The following CCSER1 variants were observed in gnomAD, a reference collection of about 807,000 sequenced individuals.
CCSER1 encodes serine-rich coiled-coil domain-containing protein 1.
In CCSER1, 41 loss-of-function variants were observed where a neutral mutation model predicts 82.0. The observed-to-expected ratio is 0.50, with a 90% CI of 0.39 to 0.65. CCSER1 has a LOEUF of 0.65. Ranked by LOEUF, CCSER1 falls within the 30% of genes least tolerant of loss-of-function variation. CCSER1 has a pLI of 0.00. For missense variants in CCSER1, 1,119 were observed against 1,064.2 expected, an observed-to-expected ratio of 1.05 and a Z score of -0.72; for synonymous variants, 414 against 383.9, an observed-to-expected ratio of 1.08 and a Z score of -0.92.
chr4:90,656,271 T>C (rs1729683586), intron 6 of CCSER1, among the ~76,000 whole-genome samples: 1 of 151,922 alleles, frequency 6.6e-6, no homozygotes, highest in Non-Finnish European at 1.5e-5. Flanking sequence ...GTTAAAACCT[T>C]CGAATATGAC....
chr4:91,389,937 A>G (rs940796156), intron 10 of CCSER1, among the ~76,000 whole-genome samples: 1 of 152,082 alleles, frequency 6.6e-6, no homozygotes, highest in Admixed American at 6.6e-5. Context: ...GTGCATTGTT[A>G]TAATCACTAG....
intron 6 of CCSER1, among the ~76,000 whole-genome samples, chr4:90,630,037 A>G (rs186364593): frequency 6.6e-6 from 1 of 152,290 alleles, no homozygotes; most frequent in East Asian, 1.9e-4. Context: ...GGGAGTATTT[A>G]TGCCTCAGAA....
intron 3 of CCSER1, among the ~76,000 whole-genome samples, chr4:90,344,999 A>G (rs2153506774): frequency 6.6e-6 from 1 of 152,214 alleles, no homozygotes. Context: ...CTTGATTCCC[A>G]TGTTTGACAG....
At chr4:90,626,180 TA>T (rs1723231136) in intron 5 of CCSER1, among the ~76,000 whole-genome samples, 1 of 152,234 alleles carries the variant, frequency 6.6e-6, no homozygotes, top group African/African-American at 2.4e-5. Flanking sequence ...CGTCGATGAT[TA>T]CAACAAATTG....
At chr4:90,728,502 G>C (rs936040012) in intron 7 of CCSER1, among the ~76,000 whole-genome samples, 3 of 152,126 alleles carry the variant, frequency 2.0e-5, no homozygotes, top group Non-Finnish European at 2.9e-5. Context: ...TTAAGCAGGG[G>C]ATAGAAGGGA....
intron 9 of CCSER1, among the ~76,000 whole-genome samples, chr4:91,040,584 C>T (rs542216320): frequency 1.3e-5 from 2 of 152,148 alleles, no homozygotes; most frequent in Admixed American, 6.5e-5. Flanking sequence ...ATGTTTGAGA[C>T]ATTTGCACAA....
Position 90,308,933 on chromosome 4 carries a change from CAA to C in CCSER1, c.650_651del (p.Gln217ArgfsTer33). 1.9e-6 allele frequency: 3 copies of C among 1,613,784 alleles called. No homozygotes were observed. The highest frequency in any genetic ancestry group is 1.7e-6 in the Non-Finnish European group (2 of 1,179,812). On this transcript the variant is annotated frameshift_variant, in exon 2 of 11. Transcript: ENST00000509176. LOFTEE classifies it high-confidence loss of function. ...SEFSLEVTQY[Q>X]EREPVLVRAS... ...ATTCTCATTGGAAGTTACACAGTAC[CAA>C]GAGAGAGAACCTGTATTAGTAAGAG...
At chr4:90,435,910 T>G (rs2153569447) in intron 4 of CCSER1, among the ~76,000 whole-genome samples, 1 of 152,194 alleles carries the variant, frequency 6.6e-6, no homozygotes, top group South Asian at 2.1e-4. Context: ...ATTAAATTGT[T>G]TATGGACTAT....
chr4:90,543,253 A>G (rs2153636781), intron 5 of CCSER1, among the ~76,000 whole-genome samples: 1 of 152,280 alleles, frequency 6.6e-6, no homozygotes, highest in East Asian at 1.9e-4. Flanking sequence ...TCAACCTAAA[A>G]ACACACTGAG....
chr4:91,426,553 A>G (rs17281623), intron 10 of CCSER1, among the ~76,000 whole-genome samples: 16,966 of 152,196 alleles, frequency 0.11, 1,117 homozygotes, highest in Middle Eastern at 0.19. Flanking sequence ...AGGTCAAGAA[A>G]CTTCAGAATG....
At chr4:91,526,171 T>TG (rs1334505465) in intron 10 of CCSER1, among the ~76,000 whole-genome samples, 1 of 152,200 alleles carries the variant, frequency 6.6e-6, no homozygotes, top group Non-Finnish European at 1.5e-5. Flanking sequence ...ATGTTCTCTC[T>TG]GAAGCCTGCT....
In CCSER1 at chr4:90,308,654, A is replaced by G; in HGVS notation, c.370A>G (p.Asn124Asp). Residue 124 changes from asparagine to aspartate, a missense_variant, in exon 2 of 11, where the codon AAT becomes GAT. Asn to Asp is a conservative substitution (Grantham distance 23, BLOSUM62 1). Coordinates refer to ENST00000509176, the MANE Select transcript of CCSER1 (RefSeq NM_001145065.2). The part of the protein sequence containing the change: ...RHSVGFSSSR[N>D]KKITRSLTED... ...TTCTGTTGGTTTTAGTAGTTCACGAAATAAGAAGATAACAAGATCTTTGAC... is the reference window on the plus strand; with the variant it reads ...TTCTGTTGGTTTTAGTAGTTCACGAGATAAGAAGATAACAAGATCTTTGAC... 6.2e-7 allele frequency: 1 copy of G among 1,613,738 alleles called. No individual in the cohort carries two copies. Among genetic ancestry groups the G allele is most frequent in the Non-Finnish European group, 8.5e-7 (1 of 1,179,826 alleles).
chr4:90,984,631 C>T (rs1736421547), intron 9 of CCSER1, among the ~76,000 whole-genome samples: 1 of 151,680 alleles, frequency 6.6e-6, no homozygotes, highest in Non-Finnish European at 1.5e-5. Context: ...TAATCAGGAT[C>T]TCTTTTAATG....
intron 10 of CCSER1, among the ~76,000 whole-genome samples, chr4:91,538,458 A>G (rs1761409779): frequency 1.3e-5 from 2 of 151,494 alleles, no homozygotes; most frequent in African/African-American, 4.8e-5. Flanking sequence ...AACAGCATTA[A>G]TAATAATAAA....
chr4:90,485,112 T>C lies in CCSER1; in HGVS notation c.1724+16758T>C, dbSNP rs1480353066. Reference sequence around the variant, plus strand: ...CCCCAGCCTTGCTGCCACCTTGCAGTTTGATCTCAGACTGCTGTGCTAGCA... The same window carrying C: ...CCCCAGCCTTGCTGCCACCTTGCAGCTTGATCTCAGACTGCTGTGCTAGCA... On this transcript the variant is annotated intron_variant, in intron 5 of 10. Coordinates refer to ENST00000509176, the MANE Select transcript of CCSER1 (RefSeq NM_001145065.2). 8.5e-5 allele frequency among the ~76,000 whole-genome samples: 13 copies of C among 152,310 alleles called. No individual in the cohort carries two copies. In the East Asian group the frequency reaches 2.1e-3, roughly 25 times the overall value.
At chr4:90,615,146 A>G (rs1332113912) in intron 5 of CCSER1, among the ~76,000 whole-genome samples, 8 of 149,746 alleles carry the variant, frequency 5.3e-5, no homozygotes, top group Admixed American at 5.3e-4. Flanking sequence ...CCTACTGCTC[A>G]GAAAAAAACA....
At chr4:90,147,143 T>C (rs1725959151) in intron 1 of CCSER1, among the ~76,000 whole-genome samples, 1 of 151,406 alleles carries the variant, frequency 6.6e-6, no homozygotes, top group South Asian at 2.1e-4. Context: ...ATGCTTTCCA[T>C]GTGTAAGACA....
At chr4:91,341,667 G>A (rs1447741943) in intron 10 of CCSER1, among the ~76,000 whole-genome samples, 2 of 151,996 alleles carry the variant, frequency 1.3e-5, no homozygotes, top group African/African-American at 2.4e-5. Context: ...TTAGCCTCCC[G>A]AATAGCTGGG....
At chr4:91,069,896 T>G (rs560838329) in intron 9 of CCSER1, among the ~76,000 whole-genome samples, 1 of 152,180 alleles carries the variant, frequency 6.6e-6, no homozygotes, top group Non-Finnish European at 1.5e-5. Flanking sequence ...TAGAATTTAT[T>G]GTATATAATC....
Sources: gnomAD v4.1 joint callset for allele counts (sites outside exome capture counted in the v4.1 genomes callset) on GRCh38, gnomAD v4.1.1 for gene constraint, MANE v1.5 for transcripts, NCBI Gene and HGNC (gene_info 2026-07-23, HGNC 2026-07-21) for gene names.